Variants in RIMOC1 observed in about 807,000 individuals in gnomAD.
The protein encoded by RIMOC1 is RAB7A-interacting MON1-CCZ1 complex subunit 1.
At chr5:41,909,060 C>G in the RIMOC1 span, among the ~76,000 whole-genome samples, 1 of 152,052 alleles carries the variant, frequency 6.6e-6, no homozygotes, top group Admixed American at 6.5e-5. Flanking sequence ...ATCATTTAGC[C>G]AATTAAGAAA....
the RIMOC1 span, chr5:41,917,307 A>G: frequency 6.3e-7 from 1 of 1,580,778 alleles, no homozygotes; most frequent in Non-Finnish European, 8.6e-7. Context: ...TAGTAAGTTC[A>G]TCTAGTCCTT....
the RIMOC1 span, chr5:41,919,346 T>A: frequency 6.6e-6 from 1 of 152,144 alleles, no homozygotes; most frequent in East Asian, 1.9e-4. Flanking sequence ...CATGTTCTAG[T>A]CCAGTGTTGC....
At chr5:41,904,538 G>C in the RIMOC1 span, 1 of 1,428,036 alleles carries the variant, frequency 7.0e-7, no homozygotes, top group Non-Finnish European at 9.7e-7. Flanking sequence ...ATGGCTGTGA[G>C]GGCTAGAGGC....
At chr5:41,910,404 G>A in the RIMOC1 span, among the ~76,000 whole-genome samples, 8 of 151,582 alleles carry the variant, frequency 5.3e-5, no homozygotes, top group Admixed American at 1.3e-4. Context: ...TTTCATCACC[G>A]ATAGTCTCTA....
At chr5:41,913,303 TC>T in the RIMOC1 span, among the ~76,000 whole-genome samples, 1 of 152,176 alleles carries the variant, frequency 6.6e-6, no homozygotes, top group East Asian at 1.9e-4. Context: ...TACATTGCCA[TC>T]CCAAATAAAA....
chr5:41,907,963 C>A, the RIMOC1 span: 8 of 635,984 alleles, frequency 1.3e-5, no homozygotes, highest in Admixed American at 3.7e-5. Flanking sequence ...TTAATTTTGT[C>A]CAAAAAACTA....
chr5:41,918,781 A>G, the RIMOC1 span: 3 of 982,020 alleles, frequency 3.1e-6, no homozygotes, highest in East Asian at 2.3e-4. Flanking sequence ...TCTTTCTCCT[A>G]TTGAACAGAA....
At chr5:41,918,510 G>A in the RIMOC1 span, 2 of 985,078 alleles carry the variant, frequency 2.0e-6, no homozygotes, top group Admixed American at 1.2e-4. Flanking sequence ...TCTTTCCCTG[G>A]TCTTTTAGTC....
At chr5:41,917,947 T>C in the RIMOC1 span, 1 of 949,636 alleles carries the variant, frequency 1.1e-6, no homozygotes, top group Non-Finnish European at 1.3e-6. Flanking sequence ...AGACAATGCA[T>C]GGCTTTTCAA....
chr5:41,912,196 C>A, the RIMOC1 span: 1 of 1,440,178 alleles, frequency 6.9e-7, no homozygotes, highest in Admixed American at 2.0e-5. Context: ...AATGTGATCT[C>A]TCATTAAATT....
At chr5:41,908,948 T>TA in the RIMOC1 span, among the ~76,000 whole-genome samples, 6 of 152,184 alleles carry the variant, frequency 3.9e-5, no homozygotes, top group African/African-American at 1.4e-4. Flanking sequence ...TCACAGAAAG[T>TA]AAAGCACTAA....
chr5:41,920,147 AT>A, the RIMOC1 span: 1 of 152,092 alleles, frequency 6.6e-6, no homozygotes, highest in Non-Finnish European at 1.5e-5. Flanking sequence ...TGGAAACTTC[AT>A]TTTACCTTCG....
the RIMOC1 span, among the ~76,000 whole-genome samples, chr5:41,910,273 C>A: frequency 6.6e-6 from 1 of 151,844 alleles, no homozygotes; most frequent in East Asian, 1.9e-4. Flanking sequence ...ATGTTGATCA[C>A]CCCCTCCCTC....
chr5:41,916,783 C>G, the RIMOC1 span, among the ~76,000 whole-genome samples: 2 of 152,144 alleles, frequency 1.3e-5, no homozygotes, highest in Non-Finnish European at 2.9e-5. Flanking sequence ...TAAAAAAATT[C>G]TCTGGTACTC....
At chr5:41,916,751 CA>C in the RIMOC1 span, among the ~76,000 whole-genome samples, 2 of 152,250 alleles carry the variant, frequency 1.3e-5, no homozygotes, top group African/African-American at 4.8e-5. Flanking sequence ...CCAAAAAGGT[CA>C]AAAACACCTA....
the RIMOC1 span, chr5:41,907,750 C>A: frequency 6.2e-7 from 1 of 1,602,074 alleles, no homozygotes; most frequent in Non-Finnish European, 8.5e-7. Context: ...CTTTTTAATT[C>A]GGGCCTCTGC....
chr5:41,907,669 T>G, the RIMOC1 span: 2 of 848,092 alleles, frequency 2.4e-6, no homozygotes, highest in African/African-American at 3.4e-5. Flanking sequence ...TCATACATAA[T>G]GTGTTTTTTG....
the RIMOC1 span, among the ~76,000 whole-genome samples, chr5:41,905,433 G>A: frequency 6.6e-6 from 1 of 152,162 alleles, no homozygotes; most frequent in East Asian, 1.9e-4. Flanking sequence ...ATCTCGCCCG[G>A]CTAACTTTGG....
At chr5:41,918,845 A>G in the RIMOC1 span, 54,016 of 844,166 alleles carry the variant, frequency 0.064, 2,330 homozygotes, top group African/African-American at 0.18. Context: ...TCATTTTCCC[A>G]TTTTAGAGGA....
Sources: gnomAD v4.1 joint callset for allele counts (sites outside exome capture counted in the v4.1 genomes callset) on GRCh38, gnomAD v4.1.1 for gene constraint, MANE v1.5 for transcripts, NCBI Gene and HGNC (gene_info 2026-07-23, HGNC 2026-07-21) for gene names.